The following AP3S1 variants were observed in gnomAD, a reference collection of about 807,000 sequenced individuals.
The protein encoded by AP3S1 is AP-3 complex subunit sigma-1.
A neutral mutation model predicts 21.3 loss-of-function variants in AP3S1; 12 were observed. The ratio of observed to expected loss-of-function variants is 0.56; its 90% CI spans 0.36 to 0.91. The LOEUF (loss-of-function observed/expected upper bound fraction) is 0.91, where lower values mean the gene tolerates loss of function less well. Ranked by LOEUF, AP3S1 falls within the 40% of genes least tolerant of loss-of-function variation. AP3S1 has a pLI of 0.01. For missense variants in AP3S1, 116 were observed against 225.0 expected, an observed-to-expected ratio of 0.52 and a Z score of 3.10; for synonymous variants, 48 against 78.4, an observed-to-expected ratio of 0.61 and a Z score of 2.05.
intron 1 of AP3S1, among the ~76,000 whole-genome samples, chr5:115,847,018 T>C (rs1380365873): frequency 6.6e-6 from 1 of 152,222 alleles, no homozygotes; most frequent in Non-Finnish European, 1.5e-5. Flanking sequence ...TCTCTTTCTC[T>C]GCTTTACTCA....
At chr5:115,865,838 C>T (rs1358384117) in intron 1 of AP3S1, among the ~76,000 whole-genome samples, 1 of 152,082 alleles carries the variant, frequency 6.6e-6, no homozygotes, top group Non-Finnish European at 1.5e-5. Context: ...CTCACTCTGT[C>T]GCCAGGCTGG....
At chr5:115,883,860 G>A (rs1350992256) in intron 3 of AP3S1, among the ~76,000 whole-genome samples, 3 of 152,098 alleles carry the variant, frequency 2.0e-5, no homozygotes, top group Admixed American at 2.0e-4. Flanking sequence ...GAGTAGTTTT[G>A]TACACAGAAA....
At chr5:115,864,075 G>A (rs1377322809) in intron 1 of AP3S1, among the ~76,000 whole-genome samples, 2 of 152,196 alleles carry the variant, frequency 1.3e-5, no homozygotes, top group African/African-American at 2.4e-5. Context: ...ATTTAAAGTT[G>A]GAAGGGATAG....
chr5:115,849,688 T>C (rs1327548697), intron 1 of AP3S1, among the ~76,000 whole-genome samples: 1 of 152,190 alleles, frequency 6.6e-6, no homozygotes, highest in African/African-American at 2.4e-5. Flanking sequence ...TCTCCTCTGA[T>C]TGGTTACTTT....
At chr5:115,887,797 G>A (rs996135663) in intron 3 of AP3S1, among the ~76,000 whole-genome samples, 1 of 152,004 alleles carries the variant, frequency 6.6e-6, no homozygotes, top group African/African-American at 2.4e-5. Flanking sequence ...GTGCTCTTGA[G>A]TACTAACTAC....
intron 4 of AP3S1, among the ~76,000 whole-genome samples, chr5:115,900,055 G>A (rs558851428): frequency 1.5e-4 from 23 of 151,696 alleles, no homozygotes; most frequent in African/African-American, 5.1e-4. Context: ...TTAAAATATT[G>A]GGAGAAAAGA....
chr5:115,851,551 G>T lies in AP3S1; in HGVS notation c.69+9445G>T, dbSNP rs537303070. 2.0e-5 allele frequency among the ~76,000 whole-genome samples: 3 copies of T among 152,078 alleles called. No homozygotes were observed. In the East Asian group the frequency reaches 5.8e-4, roughly 29 times the overall value. On this transcript the variant is annotated intron_variant, in intron 1 of 5. Coordinates refer to ENST00000316788, the MANE Select transcript of AP3S1 (RefSeq NM_001284.4). ...TGGTGCCTCATTATGGTTTTGATTT[G>T]CATTTCTTTAGTGACTAGTGCTGTT...
chr5:115,861,953 G>A (rs1193918064), intron 1 of AP3S1, among the ~76,000 whole-genome samples: 1 of 142,926 alleles, frequency 7.0e-6, no homozygotes, highest in Admixed American at 7.6e-5. Context: ...ATCCCCTTCA[G>A]CCTCCCAAAG....
chr5:115,885,238 G>A (rs1485413470), intron 3 of AP3S1, among the ~76,000 whole-genome samples: 1 of 152,146 alleles, frequency 6.6e-6, no homozygotes, highest in Non-Finnish European at 1.5e-5. Context: ...GTTTATTAGG[G>A]AGAATTGGCT....
intron 1 of AP3S1, among the ~76,000 whole-genome samples, chr5:115,851,298 T>C (rs1412261308): frequency 1.3e-5 from 2 of 152,222 alleles, no homozygotes; most frequent in African/African-American, 4.8e-5. Flanking sequence ...GATGTACTGA[T>C]ATCTGTTTGA....
intron 3 of AP3S1, among the ~76,000 whole-genome samples, chr5:115,881,351 C>G (rs2112872814): frequency 6.6e-6 from 1 of 152,182 alleles, no homozygotes; most frequent in Non-Finnish European, 1.5e-5. Flanking sequence ...TTTTCCTTTC[C>G]ATATTTAGTG....
chr5:115,875,950 A>G (rs1369313249), intron 3 of AP3S1, among the ~76,000 whole-genome samples: 3 of 152,158 alleles, frequency 2.0e-5, no homozygotes, highest in Non-Finnish European at 2.9e-5. Flanking sequence ...TTACATTGCT[A>G]TTTGTGACAA....
chr5:115,875,202 A>T (rs1208476147), intron 3 of AP3S1, among the ~76,000 whole-genome samples: 1 of 151,958 alleles, frequency 6.6e-6, no homozygotes, highest in Admixed American at 6.6e-5. Flanking sequence ...TTTTTATCCT[A>T]TATGTTGTTT....
intron 4 of AP3S1, among the ~76,000 whole-genome samples, chr5:115,902,209 A>G (rs1490963273): frequency 1.3e-5 from 2 of 152,170 alleles, no homozygotes; most frequent in Non-Finnish European, 2.9e-5. Flanking sequence ...GTGAAATGTA[A>G]TTCAGTTCTG....
rs533478405 is a variant in AP3S1, at chr5:115,846,116, C to CA, written c.69+4017dup. 4.1e-3 allele frequency among the ~76,000 whole-genome samples: 631 copies of CA among 152,082 alleles called. 1 individual carries two copies. The highest frequency in any genetic ancestry group is 6.5e-3 in the Non-Finnish European group (445 of 67,980). ...AATATATTTTTACATAGCTATCAAA[C>CA]AAAAAAATCCCTTCGGTTGTGATTC... On this transcript the variant is annotated intron_variant, in intron 1 of 5. Transcript: ENST00000316788.
intron 1 of AP3S1, among the ~76,000 whole-genome samples, chr5:115,860,935 T>A (rs1212346407): frequency 6.6e-6 from 1 of 152,208 alleles, no homozygotes; most frequent in Non-Finnish European, 1.5e-5. Flanking sequence ...AGATTTTGGA[T>A]AATATAAATG....
chr5:115,890,568 T>G (rs1175460058), intron 3 of AP3S1, among the ~76,000 whole-genome samples: 1 of 152,214 alleles, frequency 6.6e-6, no homozygotes, highest in Non-Finnish European at 1.5e-5. Context: ...ATTTGAGTGT[T>G]GATTATACAG....
At chr5:115,870,180 T>C in intron 3 of AP3S1, 52 bp downstream of exon 3, 1 of 1,188,616 alleles carries the variant, frequency 8.4e-7, no homozygotes, top group Non-Finnish European at 1.2e-6. Context: ...GACATTTAAA[T>C]TTTTAAAAAC....
intron 3 of AP3S1, among the ~76,000 whole-genome samples, chr5:115,883,678 T>C (rs1394779247): frequency 2.0e-5 from 3 of 152,236 alleles, no homozygotes; most frequent in Non-Finnish European, 2.9e-5. Context: ...TCCTTTGTAA[T>C]ATTTTTACTC....
Sources: allele counts gnomAD v4.1 joint callset (sites outside exome capture counted in the v4.1 genomes callset), GRCh38; gene constraint gnomAD v4.1.1; transcripts MANE v1.5; gene names NCBI Gene and HGNC (gene_info 2026-07-23, HGNC 2026-07-21).